The following KDM2B variants were observed in gnomAD, a reference collection of about 807,000 sequenced individuals.
The protein encoded by KDM2B is lysine-specific demethylase 2B.
A neutral mutation model predicts 150.0 loss-of-function variants in KDM2B; 26 were observed. The ratio of observed to expected loss-of-function variants is 0.17; its 90% CI spans 0.13 to 0.24. KDM2B has a LOEUF of 0.24. Among genes scored for constraint, KDM2B ranks in the 10% least tolerant of loss-of-function variants. KDM2B has a pLI of 1.00. For synonymous variants in KDM2B, 734 were observed against 729.5 expected, an observed-to-expected ratio of 1.01 and a Z score of -0.10; for missense variants, 1,265 against 1,816.9, an observed-to-expected ratio of 0.70 and a Z score of 5.52.
chr12:121,435,465 T>TTGCATTGGAAGTGACATG (rs1214803173), intron 22 of KDM2B, among the ~76,000 whole-genome samples: 9 of 152,320 alleles, frequency 5.9e-5, no homozygotes, highest in Admixed American at 1.3e-4. Flanking sequence ...GAAATTCCTC[T>TTGCATTGGAAGTGACATG]TGCATTGGAA....
rs1004527990 is a variant in KDM2B, at chr12:121,575,020, T to C, written c.351-427A>G. 1.1e-4 allele frequency among the ~76,000 whole-genome samples: 17 copies of C among 152,310 alleles called. No individual in the cohort carries two copies. Among genetic ancestry groups the C allele is most frequent in the African/African-American group, 2.9e-4 (12 of 41,550 alleles). On this transcript the variant is annotated intron_variant, in intron 3 of 22. Transcript: ENST00000377071. This position sits in a 1 kb window ranked among gnomAD's most constrained non-coding sequence, Gnocchi z 4.4. ...TTTATGCAAAGTGGGACGGACCCCT[T>C]TAAGTTCAGAGGGAAAAAAAGACAC...
intron 11 of KDM2B, among the ~76,000 whole-genome samples, chr12:121,504,415 G>T (rs1227124939): frequency 6.6e-6 from 1 of 152,108 alleles, no homozygotes; most frequent in African/African-American, 2.4e-5. Flanking sequence ...TATGCCTGTA[G>T]TCCCAGCTAC....
intron 6 of KDM2B, chr12:121,536,025 T>A (rs1419901940): frequency 1.0e-6 from 1 of 984,840 alleles, no homozygotes; most frequent in Admixed American, 6.1e-5. Flanking sequence ...CTGACCTCTT[T>A]TCCCCGCTGC....
chr12:121,466,236 T>C (rs1034585566), intron 12 of KDM2B, among the ~76,000 whole-genome samples: 1 of 152,172 alleles, frequency 6.6e-6, no homozygotes, highest in Non-Finnish European at 1.5e-5. Context: ...GTCCGTCCAA[T>C]GCCACATGCT....
At chr12:121,455,830 C>T (rs1254996177) in intron 12 of KDM2B, among the ~76,000 whole-genome samples, 2 of 152,200 alleles carry the variant, frequency 1.3e-5, no homozygotes, top group East Asian at 1.9e-4. Context: ...CACATCCATC[C>T]GAGTCACGTC....
intron 11 of KDM2B, among the ~76,000 whole-genome samples, chr12:121,505,369 C>T (rs1021055369): frequency 1.8e-4 from 28 of 151,628 alleles, no homozygotes; most frequent in African/African-American, 6.5e-4. Context: ...AATTGTGTTA[C>T]GTGTGTCTTA....
In KDM2B at chr12:121,436,823, A is replaced by G. The variant is rs111696852; in HGVS notation, c.3829+3034T>C. ...TTCTATTAACTTACAAGGAGAGAAAATAGATTCACTGACAGATGAAGAATC... is the reference window on the plus strand; with the variant it reads ...TTCTATTAACTTACAAGGAGAGAAAGTAGATTCACTGACAGATGAAGAATC... On this transcript the variant is annotated intron_variant, in intron 22 of 22. Coordinates refer to ENST00000377071, the MANE Select transcript of KDM2B (RefSeq NM_032590.5). Among the ~76,000 whole-genome samples the G allele has an allele frequency of 3.4e-3, 525 of 152,296 alleles. 3 individuals carry two copies. Among genetic ancestry groups the G allele is most frequent in the African/African-American group, 0.012 (502 of 41,558 alleles).
Position 121,520,863 on chromosome 12 carries a change from GA to G in KDM2B, c.1047+121del. 1.6e-6 allele frequency: 1 copy of G among 635,742 alleles called. No individual in the cohort carries two copies. Among genetic ancestry groups the G allele is most frequent in the Non-Finnish European group, 2.8e-6 (1 of 360,428 alleles). The allele number at this position is 635,742 out of a possible 1,614,324, so 39.4% of individuals were successfully genotyped here. On this transcript the variant is annotated intron_variant, in intron 9 of 22. Coordinates refer to ENST00000377071, the MANE Select transcript of KDM2B (RefSeq NM_032590.5). This position sits in a 1 kb window ranked among gnomAD's most constrained non-coding sequence, Gnocchi z 4.5. Reference sequence around the variant, plus strand: ...AGAACCAGGACTGAAGCCAGCTTGAGAGAGGAATCGGGAGGGAGAGGGGAAC... The same window carrying G: ...AGAACCAGGACTGAAGCCAGCTTGAGGAGGAATCGGGAGGGAGAGGGGAAC...
chr12:121,580,118 A>G, intron 1 of KDM2B: 1 of 1,574,252 alleles, frequency 6.4e-7, no homozygotes. Flanking sequence ...CCGAGGGGGG[A>G]AGGAGGGAAG....
chr12:121,545,230 T>C (rs1888936232), intron 6 of KDM2B, among the ~76,000 whole-genome samples: 1 of 152,188 alleles, frequency 6.6e-6, no homozygotes, highest in Non-Finnish European at 1.5e-5. Context: ...AATGGACTAT[T>C]TCCAAGATGA....
upstream of KDM2B, chr12:121,581,203 A>G (rs1038850375): frequency 7.1e-5 from 23 of 322,366 alleles, no homozygotes; most frequent in Non-Finnish European, 9.7e-5. Flanking sequence ...GATGCTCAGG[A>G]GCGAAAGACG....
chr12:121,523,047 C>T (rs781975307), intron 8 of KDM2B, among the ~76,000 whole-genome samples: 12 of 152,148 alleles, frequency 7.9e-5, no homozygotes, highest in Non-Finnish European at 1.2e-4. Context: ...TCCTGGCTGC[C>T]GGGTCACACA....
At chr12:121,580,240 T>G in intron 1 of KDM2B, 2 of 1,059,094 alleles carry the variant, frequency 1.9e-6, no homozygotes, top group Non-Finnish European at 2.3e-6. Flanking sequence ...AGGAAACCAT[T>G]TTCAGCAGTT....
intron 4 of KDM2B, among the ~76,000 whole-genome samples, chr12:121,551,588 T>C (rs1889500316): frequency 6.6e-6 from 1 of 152,212 alleles, no homozygotes; most frequent in Admixed American, 6.5e-5. Flanking sequence ...AGTCTCGCTC[T>C]GTCGCCCAGG....
At chr12:121,419,062 T>C in the KDM2B span, among the ~76,000 whole-genome samples, 1 of 152,202 alleles carries the variant, frequency 6.6e-6, no homozygotes, top group South Asian at 2.1e-4. Flanking sequence ...TCTAATTGCC[T>C]TCTAGATATA....
rs1877688757 is a variant in KDM2B at position 121,453,475 on chromosome 12, G to T, written c.1735-131C>A. On this transcript the variant is annotated intron_variant, in intron 12 of 22. Coordinates refer to ENST00000377071, the MANE Select transcript of KDM2B (RefSeq NM_032590.5). The surrounding 1 kb of genome is among the most constrained non-coding windows in gnomAD (Gnocchi z 6.4). ...TGGGGGCTCTAAACCCCATTCCTCA[G>T]AGTGTGATCTTTATTTGGAGATGGG... 2 of 669,320 alleles carry T rather than the reference G, an allele frequency of 3.0e-6. No individual in the cohort carries two copies. The highest frequency in any genetic ancestry group is 2.5e-6 in the Non-Finnish European group (1 of 397,386). 41.5% of individuals were successfully genotyped at this position (669,320 alleles called of 1,614,324 possible). A position where few individuals can be genotyped will look rare whatever the true frequency, so the allele number is the denominator to read the frequency against.
rs75619635 is a variant in KDM2B, at chr12:121,521,278, C to T, written c.932-178G>A. Among the ~76,000 whole-genome samples, 6,575 of 152,266 alleles carry T rather than the reference C, an allele frequency of 0.043. 194 individuals are homozygous for T. The highest frequency in any genetic ancestry group is 0.11 in the Middle Eastern group (32 of 294). On this transcript the variant is annotated intron_variant, in intron 8 of 22. Coordinates refer to ENST00000377071, the MANE Select transcript of KDM2B (RefSeq NM_032590.5). The surrounding 1 kb of genome is among the most constrained non-coding windows in gnomAD (Gnocchi z 4.9). ...TGCTGCACAACGCCCAGGCCTGAGC[C>T]GCCGAGAGGACTCAGACTTGCAGCC...
chr12:121,503,885 C>G (rs1369333810), intron 11 of KDM2B, among the ~76,000 whole-genome samples: 1 of 152,190 alleles, frequency 6.6e-6, no homozygotes, highest in Non-Finnish European at 1.5e-5. Flanking sequence ...AATCTGGTCC[C>G]CAGAAGGACA....
the KDM2B span, among the ~76,000 whole-genome samples, chr12:121,414,821 C>T: frequency 5.7e-3 from 875 of 152,288 alleles, 5 homozygotes; most frequent in African/African-American, 0.02. Flanking sequence ...AGGCTGGGCA[C>T]GGTGGCTCAT....
Sources: gnomAD v4.1 joint callset for allele counts (sites outside exome capture counted in the v4.1 genomes callset) on GRCh38, gnomAD v4.1.1 for gene constraint, Gnocchi (gnomAD v3.1) non-coding constraint, MANE v1.5 for transcripts, NCBI Gene and HGNC (gene_info 2026-07-23, HGNC 2026-07-21) for gene names.